GRID2: variants seen among roughly 807,000 people sequenced by gnomAD.
The protein encoded by GRID2 is glutamate receptor ionotropic, delta-2.
A neutral mutation model predicts 114.8 loss-of-function variants in GRID2; 33 were observed. The observed-to-expected ratio is 0.29, with a 90% CI of 0.22 to 0.38. The LOEUF is 0.38. Among genes scored for constraint, GRID2 ranks in the 10% least tolerant of loss-of-function variants. The pLI, the probability that GRID2 is intolerant of heterozygous loss-of-function variation, is 1.00. For synonymous variants in GRID2, 505 were observed against 449.9 expected (o/e 1.12, Z -1.55); for missense variants, 1,184 against 1,257.7 (o/e 0.94, Z 0.89).
chr4:92,752,567 T>A (rs966044303), intron 2 of GRID2, among the ~76,000 whole-genome samples: 14 of 152,182 alleles, frequency 9.2e-5, no homozygotes, highest in Non-Finnish European at 1.9e-4. Context: ...TTTTAGGATA[T>A]CTGTGAAAAA....
chr4:93,628,299 G>GA (rs1327845009), intron 14 of GRID2, among the ~76,000 whole-genome samples: 1 of 151,896 alleles, frequency 6.6e-6, no homozygotes, highest in Non-Finnish European at 1.5e-5. Flanking sequence ...CCATGCACAA[G>GA]AAACAAAGAA....
intron 8 of GRID2, among the ~76,000 whole-genome samples, chr4:93,316,320 G>GAAAGAAAGAAAGAAAGAAAGAAAGAAAA (rs1756625795): frequency 2.1e-5 from 2 of 93,058 alleles, no homozygotes. Flanking sequence ...AAGAAAGAAA[G>GAAAGAAAGAAAGAAAGAAAGAAAGAAAA]AAAGAAAGAA....
intron 10 of GRID2, among the ~76,000 whole-genome samples, chr4:93,424,663 AT>A (rs1235075886): frequency 6.6e-6 from 1 of 151,958 alleles, no homozygotes; most frequent in Non-Finnish European, 1.5e-5. Context: ...TCTAGATATG[AT>A]TTTCTTTGCA....
intron 8 of GRID2, among the ~76,000 whole-genome samples, chr4:93,347,103 C>A (rs533523229): frequency 6.6e-6 from 1 of 152,176 alleles, no homozygotes; most frequent in South Asian, 2.1e-4. Context: ...CTTCACCAGC[C>A]TCCACTCAGC....
chr4:93,256,067 A>G (rs976508139), intron 8 of GRID2, among the ~76,000 whole-genome samples: 12 of 152,098 alleles, frequency 7.9e-5, no homozygotes, highest in Non-Finnish European at 1.5e-5. Flanking sequence ...GCTGAAATAC[A>G]AAATAATTTT....
intron 14 of GRID2, among the ~76,000 whole-genome samples, chr4:93,646,800 T>G (rs1419340475): frequency 6.6e-6 from 1 of 152,066 alleles, no homozygotes; most frequent in Non-Finnish European, 1.5e-5. Context: ...GACTGGAAAC[T>G]GTTTGGATGT....
At chr4:92,931,558 G>A (rs571419170) in intron 2 of GRID2, among the ~76,000 whole-genome samples, 24 of 150,472 alleles carry the variant, frequency 1.6e-4, no homozygotes, top group African/African-American at 3.4e-4. Context: ...TGCAGATTAC[G>A]TAAGTGTGTT....
intron 2 of GRID2, among the ~76,000 whole-genome samples, chr4:92,830,263 T>C (rs1387953750): frequency 2.0e-5 from 3 of 151,568 alleles, no homozygotes; most frequent in African/African-American, 7.3e-5. Flanking sequence ...TCCAAGATCA[T>C]GCAGTAAGTA....
At chr4:92,963,056 A>G (rs1025129676) in intron 2 of GRID2, among the ~76,000 whole-genome samples, 3 of 152,154 alleles carry the variant, frequency 2.0e-5, no homozygotes, top group Middle Eastern at 6.8e-3. Flanking sequence ...TATGTCTAAA[A>G]AAACAACATG....
chr4:93,358,204 G>A (rs1761531829), intron 8 of GRID2, among the ~76,000 whole-genome samples: 1 of 151,736 alleles, frequency 6.6e-6, no homozygotes, highest in South Asian at 2.1e-4. Flanking sequence ...AAGAAATTAT[G>A]TCTTTAGTTC....
intron 2 of GRID2, among the ~76,000 whole-genome samples, chr4:92,750,643 T>A (rs1201391931): frequency 1.3e-5 from 2 of 152,154 alleles, no homozygotes. Context: ...CTCCAGCCTG[T>A]ATAATACATT....
At chr4:92,590,765 G>A (rs765911636) in intron 2 of GRID2, among the ~76,000 whole-genome samples, 3 of 152,052 alleles carry the variant, frequency 2.0e-5, no homozygotes, top group Non-Finnish European at 2.9e-5. Context: ...ACTGACCTAC[G>A]CTATAAATTT....
chr4:92,578,884 A>C (rs1728038682), intron 1 of GRID2, among the ~76,000 whole-genome samples: 1 of 152,186 alleles, frequency 6.6e-6, no homozygotes, highest in African/African-American at 2.4e-5. Flanking sequence ...AAACACTGAA[A>C]TGCACATCGA....
chr4:93,760,017 AC>A (rs1236160855), intron 14 of GRID2, among the ~76,000 whole-genome samples: 1 of 152,126 alleles, frequency 6.6e-6, no homozygotes, highest in African/African-American at 2.4e-5. Context: ...GCCTTGGGAA[AC>A]TTTTCTTCAC....
chr4:93,089,858 C>T (rs906026390), intron 3 of GRID2, among the ~76,000 whole-genome samples: 2 of 152,116 alleles, frequency 1.3e-5, no homozygotes, highest in Non-Finnish European at 2.9e-5. Context: ...GCATGACCCT[C>T]ATAGTAATGT....
intron 2 of GRID2, among the ~76,000 whole-genome samples, chr4:92,921,421 C>T (rs945346770): frequency 1.4e-4 from 22 of 152,140 alleles, no homozygotes; most frequent in South Asian, 2.1e-4. Context: ...GGAGGAGAGG[C>T]GCTCTGATTT....
intron 4 of GRID2, among the ~76,000 whole-genome samples, chr4:93,175,446 C>G (rs574882404): frequency 2.0e-5 from 3 of 152,180 alleles, no homozygotes; most frequent in Non-Finnish European, 4.4e-5. Context: ...GCTGGGATTA[C>G]AGGCGTGGGC....
At chr4:92,623,624 TGAA>T (rs943347778) in intron 2 of GRID2, among the ~76,000 whole-genome samples, 17 of 151,862 alleles carry the variant, frequency 1.1e-4, no homozygotes, top group African/African-American at 3.6e-4. Flanking sequence ...CAAAACAGCT[TGAA>T]GAAGAAATTT....
chr4:93,364,012 G>T (rs1042603277), intron 8 of GRID2, among the ~76,000 whole-genome samples: 6 of 151,918 alleles, frequency 3.9e-5, no homozygotes, highest in African/African-American at 1.4e-4. Context: ...CAAAGAGTAA[G>T]AAAAATATAT....
Sources: allele counts gnomAD v4.1 joint callset (sites outside exome capture counted in the v4.1 genomes callset), GRCh38; gene constraint gnomAD v4.1.1; transcripts MANE v1.5; gene names NCBI Gene and HGNC (gene_info 2026-07-23, HGNC 2026-07-21).